Variants in POC1B observed in about 807,000 individuals in gnomAD.
POC1B encodes the protein POC1 centriolar protein homolog B.
Under a neutral mutation model 60.6 loss-of-function variants are expected in POC1B, and 44 were observed. The observed-to-expected ratio is 0.73, with a 90% CI of 0.57 to 0.93. The LOEUF is 0.93. Ranked by LOEUF, POC1B falls within the 40% of genes least tolerant of loss-of-function variation. The pLI, the probability that POC1B is intolerant of heterozygous loss-of-function variation, is 0.00. For synonymous variants in POC1B, 180 were observed against 198.9 expected (o/e 0.90, Z 0.80); for missense variants, 555 against 572.3 (o/e 0.97, Z 0.31).
intron 10 of POC1B, 89 bp downstream of exon 10, chr12:89,459,548 CT>C: frequency 1.4e-6 from 1 of 691,612 alleles, no homozygotes; most frequent in Non-Finnish European, 2.2e-6. Flanking sequence ...GTTTTATCTC[CT>C]CCCCCAACAT....
At chr12:89,502,028 A>G in intron 2 of POC1B, 1 of 988,218 alleles carries the variant, frequency 1.0e-6, no homozygotes, top group East Asian at 2.4e-5. Flanking sequence ...AGCTCAAAGA[A>G]TGAAGATAAT....
the POC1B span, among the ~76,000 whole-genome samples, chr12:89,402,617 G>A: frequency 1.3e-5 from 2 of 152,148 alleles, no homozygotes; most frequent in Non-Finnish European, 2.9e-5. Context: ...GTCAGAACAT[G>A]CGGTATTTGG....
chr12:89,454,121 AAC>A (rs1297126219), intron 10 of POC1B, among the ~76,000 whole-genome samples: 1 of 152,218 alleles, frequency 6.6e-6, no homozygotes, highest in Non-Finnish European at 1.5e-5. Context: ...CCTAGAACAG[AAC>A]ACAGGAAAAC....
the POC1B span, among the ~76,000 whole-genome samples, chr12:89,407,571 C>A: frequency 1.3e-5 from 2 of 152,122 alleles, no homozygotes; most frequent in South Asian, 4.1e-4. Flanking sequence ...ATATTGGCAC[C>A]TAATTTGAAA....
At chr12:89,508,114 T>A (rs1200588030) in intron 2 of POC1B, among the ~76,000 whole-genome samples, 2 of 152,238 alleles carry the variant, frequency 1.3e-5, no homozygotes, top group African/African-American at 4.8e-5. Flanking sequence ...CCTTTGTGCT[T>A]ATACAAATGT....
At chr12:89,481,024 C>T (rs1248777827) in intron 4 of POC1B, among the ~76,000 whole-genome samples, 1 of 151,744 alleles carries the variant, frequency 6.6e-6, no homozygotes, top group Non-Finnish European at 1.5e-5. Flanking sequence ...GTGTGAGCCA[C>T]CTGGCCCTAA....
intron 11 of POC1B, 21 bp downstream of exon 11, chr12:89,425,140 T>G (rs779442080): frequency 6.2e-7 from 1 of 1,611,596 alleles, no homozygotes; most frequent in East Asian, 2.2e-5. Context: ...GTGCAACTCA[T>G]GCAACCTGTG....
intron 10 of POC1B, among the ~76,000 whole-genome samples, chr12:89,445,903 A>T (rs964067483): frequency 1.3e-5 from 2 of 152,202 alleles, no homozygotes; most frequent in Non-Finnish European, 2.9e-5. Flanking sequence ...ACTTAAACAA[A>T]TTTACAAGAA....
At chr12:89,499,879 C>T (rs1309741977) in intron 2 of POC1B, among the ~76,000 whole-genome samples, 2 of 152,210 alleles carry the variant, frequency 1.3e-5, no homozygotes, top group African/African-American at 2.4e-5. Context: ...AAGACATTAA[C>T]GTGTTTGTTG....
intron 4 of POC1B, chr12:89,485,159 A>G (rs940627632): frequency 6.6e-6 from 1 of 152,180 alleles, no homozygotes; most frequent in East Asian, 1.9e-4. Flanking sequence ...GAGCTTTCTC[A>G]CCTTCAGGTA....
chr12:89,505,245 C>A (rs1443103465), intron 2 of POC1B, among the ~76,000 whole-genome samples: 1 of 152,134 alleles, frequency 6.6e-6, no homozygotes, highest in East Asian at 1.9e-4. Context: ...GTGGTTATAA[C>A]CACTTTGAAA....
intron 4 of POC1B, among the ~76,000 whole-genome samples, chr12:89,476,307 TACA>T (rs1883100550): frequency 2.0e-5 from 3 of 152,192 alleles, no homozygotes; most frequent in African/African-American, 7.2e-5. Context: ...ACTTGGAATC[TACA>T]GAGTTCCTGT....
At chr12:89,436,453 C>A (rs1395343602) in intron 10 of POC1B, among the ~76,000 whole-genome samples, 1 of 152,134 alleles carries the variant, frequency 6.6e-6, no homozygotes, top group Non-Finnish European at 1.5e-5. Context: ...ATGGCTCATG[C>A]CTGTAATCCC....
chr12:89,511,837 C>T (rs986537404), intron 2 of POC1B, among the ~76,000 whole-genome samples: 71 of 152,074 alleles, frequency 4.7e-4, no homozygotes, highest in Non-Finnish European at 1.2e-4. Flanking sequence ...GTGAATCACT[C>T]GAGTCCAGGA....
downstream of POC1B, among the ~76,000 whole-genome samples, chr12:89,416,649 C>T (rs1433476307): frequency 6.6e-6 from 1 of 152,114 alleles, no homozygotes; most frequent in Non-Finnish European, 1.5e-5. Flanking sequence ...TCTGCTTCAC[C>T]CTGCCCTAGT....
At chr12:89,471,833 T>C (rs1396566766) in intron 5 of POC1B, 104 bp from the exon 6 acceptor site, 4 of 700,516 alleles carry the variant, frequency 5.7e-6, no homozygotes, top group Non-Finnish European at 9.2e-6. Flanking sequence ...AGTGGCGCAA[T>C]GTCAGCTCAC....
chr12:89,524,428 G>T, intron 2 of POC1B: 1 of 1,613,944 alleles, frequency 6.2e-7, no homozygotes, highest in Non-Finnish European at 8.5e-7. Flanking sequence ...CAGCTCCCTG[G>T]CACGGCCGGC....
intron 2 of POC1B, among the ~76,000 whole-genome samples, chr12:89,504,504 G>A (rs992105444): frequency 6.6e-6 from 1 of 151,606 alleles, no homozygotes; most frequent in Non-Finnish European, 1.5e-5. Flanking sequence ...GAAAACCAGA[G>A]ACCTTTGTTC....
chr12:89,408,483 C>G, the POC1B span, among the ~76,000 whole-genome samples: 1 of 148,034 alleles, frequency 6.8e-6, no homozygotes, highest in African/African-American at 2.5e-5. Context: ...TTCCTGACTT[C>G]TGGTTTTTTT....
Sources: gnomAD v4.1 joint callset for allele counts (sites outside exome capture counted in the v4.1 genomes callset) on GRCh38, gnomAD v4.1.1 for gene constraint, MANE v1.5 for transcripts, NCBI Gene and HGNC (gene_info 2026-07-23, HGNC 2026-07-21) for gene names.